SEMA6D: variants seen among roughly 807,000 people sequenced by gnomAD.
SEMA6D encodes semaphorin 6D.
In SEMA6D, 35 loss-of-function variants were observed where a neutral mutation model predicts 106.6. The observed-to-expected ratio is 0.33, with a 90% CI of 0.25 to 0.44. The LOEUF (loss-of-function observed/expected upper bound fraction) is 0.44, where lower values mean the gene tolerates loss of function less well. Among genes scored for constraint, SEMA6D ranks in the 20% least tolerant of loss-of-function variants. The pLI, the probability that SEMA6D is intolerant of heterozygous loss-of-function variation, is 1.00. For missense variants in SEMA6D, 1,185 were observed against 1,345.9 expected, an observed-to-expected ratio of 0.88 and a Z score of 1.87; for synonymous variants, 499 against 487.7, an observed-to-expected ratio of 1.02 and a Z score of -0.31.
intron 11 of SEMA6D, 119 bp downstream of exon 11, chr15:47,764,424 G>C: frequency 7.5e-7 from 1 of 1,332,840 alleles, no homozygotes; most frequent in African/African-American, 1.5e-5. Context: ...CCCTCTCTCA[G>C]ACAGAGCCAG....
intron 1 of SEMA6D, among the ~76,000 whole-genome samples, chr15:47,310,829 CA>C (rs1301713979): frequency 2.0e-5 from 3 of 152,126 alleles, no homozygotes; most frequent in African/African-American, 7.2e-5. Flanking sequence ...GTATTATCTG[CA>C]AAAAGTAGAC....
chr15:47,722,574 A>G (rs1210222543), intron 1 of SEMA6D, among the ~76,000 whole-genome samples: 3 of 152,140 alleles, frequency 2.0e-5, no homozygotes, highest in Admixed American at 6.5e-5. Flanking sequence ...TTATGTTGCC[A>G]GGCTTTTTTG....
At chr15:47,554,034 A>G (rs1218649476) in intron 3 of SEMA6D, among the ~76,000 whole-genome samples, 2 of 152,190 alleles carry the variant, frequency 1.3e-5, no homozygotes, top group African/African-American at 4.8e-5. Context: ...GTTGAAGCAC[A>G]TACTTTGCAC....
intron 1 of SEMA6D, among the ~76,000 whole-genome samples, chr15:47,302,840 C>T (rs562478044): frequency 3.9e-5 from 6 of 152,288 alleles, no homozygotes; most frequent in African/African-American, 1.2e-4. Flanking sequence ...TGGAGAGACC[C>T]ATGTTATACT....
chr15:47,754,314 T>G (rs2081599356), intron 1 of SEMA6D, among the ~76,000 whole-genome samples: 1 of 152,366 alleles, frequency 6.6e-6, no homozygotes, highest in East Asian at 1.9e-4. Flanking sequence ...GAACTCTCCT[T>G]CAATATTTCT....
intron 4 of SEMA6D, among the ~76,000 whole-genome samples, chr15:47,646,214 A>T (rs1471619385): frequency 6.6e-6 from 1 of 151,786 alleles, no homozygotes; most frequent in African/African-American, 2.4e-5. Context: ...CTATCTAGGG[A>T]CTCCCAGCCA....
chr15:47,573,980 C>A lies in SEMA6D; in HGVS notation c.-86-26885C>A, dbSNP rs893267881. ...AATCTTCTGTGACAAAGCCAGTCTA[C>A]CCTGGGCTGTTCCTTCCACAAGACT... On this transcript the variant is annotated intron_variant, in intron 3 of 19. Transcript: ENST00000558014. Among the ~76,000 whole-genome samples the A allele has an allele frequency of 2.6e-5, 4 of 152,284 alleles. No homozygotes were observed. The South Asian group carries it at 8.3e-4, about 32-fold the overall frequency.
intron 3 of SEMA6D, among the ~76,000 whole-genome samples, chr15:47,591,846 G>A (rs1005956185): frequency 6.6e-6 from 1 of 152,172 alleles, no homozygotes; most frequent in African/African-American, 2.4e-5. Flanking sequence ...GCAAAGTTAT[G>A]TGCTGACACT....
chr15:47,308,681 CT>C (rs1272650466), intron 1 of SEMA6D, among the ~76,000 whole-genome samples: 1 of 152,104 alleles, frequency 6.6e-6, no homozygotes, highest in Non-Finnish European at 1.5e-5. Flanking sequence ...CTTCATGCAT[CT>C]CTGTAAAAGA....
intron 4 of SEMA6D, among the ~76,000 whole-genome samples, chr15:47,648,553 G>C (rs966859138): frequency 1.3e-5 from 2 of 152,114 alleles, no homozygotes; most frequent in African/African-American, 4.8e-5. Context: ...TAGGGAGCCC[G>C]CCCTATTTGT....
chr15:47,443,876 A>G (rs1203700073), intron 2 of SEMA6D, among the ~76,000 whole-genome samples: 2 of 139,020 alleles, frequency 1.4e-5, no homozygotes, highest in African/African-American at 4.9e-5. Context: ...TTCTTGGCAT[A>G]TCTAACTAAG....
chr15:47,613,501 G>C (rs889929863), intron 4 of SEMA6D, among the ~76,000 whole-genome samples: 3 of 152,046 alleles, frequency 2.0e-5, no homozygotes, highest in African/African-American at 7.2e-5. Flanking sequence ...ACCAGGTAGT[G>C]CTCAGTTTTA....
upstream of SEMA6D, among the ~76,000 whole-genome samples, chr15:47,715,858 ACTC>A (rs879912514): frequency 6.6e-6 from 1 of 151,994 alleles, no homozygotes; most frequent in Non-Finnish European, 1.5e-5. Flanking sequence ...TGGCGATTTG[ACTC>A]CTCATCAAGC....
intron 4 of SEMA6D, among the ~76,000 whole-genome samples, chr15:47,633,121 T>C (rs2077321384): frequency 6.6e-6 from 1 of 152,120 alleles, no homozygotes; most frequent in African/African-American, 2.4e-5. Flanking sequence ...GATGATGTTA[T>C]AAGTTTTGCT....
intron 4 of SEMA6D, among the ~76,000 whole-genome samples, chr15:47,625,363 T>A (rs1028777243): frequency 1.3e-5 from 2 of 152,166 alleles, no homozygotes; most frequent in Non-Finnish European, 2.9e-5. Context: ...AAATAGGCAA[T>A]CATCTGCCAT....
At chr15:47,650,139 G>A (rs1448362405) in intron 4 of SEMA6D, among the ~76,000 whole-genome samples, 3 of 152,160 alleles carry the variant, frequency 2.0e-5, no homozygotes, top group African/African-American at 4.8e-5. Context: ...CTGAGAAGAA[G>A]GTTCTAGTAT....
intron 1 of SEMA6D, among the ~76,000 whole-genome samples, chr15:47,411,241 G>A (rs764808079): frequency 6.6e-6 from 1 of 151,940 alleles, no homozygotes; most frequent in South Asian, 2.1e-4. Flanking sequence ...GACTACAGGC[G>A]CTTGCCACCA....
At chr15:47,597,863 T>C (rs990887764) in intron 3 of SEMA6D, among the ~76,000 whole-genome samples, 23 of 149,354 alleles carry the variant, frequency 1.5e-4, no homozygotes, top group Non-Finnish European at 3.1e-4. Context: ...ATATATATTA[T>C]ATATATATAA....
At chr15:47,653,501 C>T (rs1165893955) in intron 4 of SEMA6D, among the ~76,000 whole-genome samples, 1 of 152,212 alleles carries the variant, frequency 6.6e-6, no homozygotes, top group Non-Finnish European at 1.5e-5. Flanking sequence ...GTGTTTCCTT[C>T]ATTTGTTGAA....
Sources: allele counts gnomAD v4.1 joint callset (sites outside exome capture counted in the v4.1 genomes callset), GRCh38; gene constraint gnomAD v4.1.1; transcripts MANE v1.5; gene names NCBI Gene and HGNC (gene_info 2026-07-23, HGNC 2026-07-21).